Variants in RAF1 observed in about 807,000 individuals in gnomAD.
RAF1 encodes the protein RAF proto-oncogene serine/threonine-protein kinase.
RAF1 carries 27 observed loss-of-function variants against 81.1 expected under a neutral mutation model. The ratio of observed to expected loss-of-function variants is 0.33; its 90% CI spans 0.25 to 0.46. The LOEUF (loss-of-function observed/expected upper bound fraction) is 0.46, where lower values mean the gene tolerates loss of function less well. RAF1 is among the 20% of genes least tolerant of loss of function. RAF1 has a pLI of 1.00. For synonymous variants in RAF1, 298 were observed against 294.0 expected (o/e 1.01, Z -0.14); for missense variants, 598 against 826.0 (o/e 0.72, Z 3.38).
At chr3:12,646,301 G>T (rs2060345966) in intron 1 of RAF1, among the ~76,000 whole-genome samples, 1 of 152,096 alleles carries the variant, frequency 6.6e-6, no homozygotes, top group Admixed American at 6.6e-5. Flanking sequence ...CATTCATGCA[G>T]CTAACATTAT....
intron 11 of RAF1, among the ~76,000 whole-genome samples, chr3:12,596,903 CTT>C (rs145040302): frequency 6.8e-6 from 1 of 146,622 alleles, no homozygotes. Context: ...AACCTAGAAT[CTT>C]TTTTTTTTTT....
At position 12,663,980 on chromosome 3, in the gene RAF1, C is replaced by A. The variant is rs562730879; in HGVS notation, c.-194G>T. 3.8e-5 allele frequency: 15 copies of A among 398,582 alleles called. No homozygotes were observed. The highest frequency in any genetic ancestry group is 2.9e-4 in the African/African-American group (14 of 48,756). 24.7% of individuals were successfully genotyped at this position (398,582 alleles called of 1,614,324 possible). On this transcript the variant is annotated 5_prime_UTR_variant, in exon 1 of 18. Transcript: ENST00000442415. ...CGCATCGTAGCAAACGCGCTCCGCGCCTCAGGGCACGCGCCCCAAAGCCCG... is the reference window on the plus strand; with the variant it reads ...CGCATCGTAGCAAACGCGCTCCGCGACTCAGGGCACGCGCCCCAAAGCCCG...
In RAF1 at chr3:12,583,685, C is replaced by A. The variant is rs2058213465; in HGVS notation, c.*829G>T. 8.6e-6 allele frequency: 2 copies of A among 233,236 alleles called. No individual in the cohort carries two copies. The highest frequency in any genetic ancestry group is 1.7e-5 in the Non-Finnish European group (2 of 118,002). 14.4% of individuals were successfully genotyped at this position (233,236 alleles called of 1,614,324 possible). A position where few individuals can be genotyped will look rare whatever the true frequency, so the allele number is the denominator to read the frequency against. ...TGTATTTTGTCAGGTGCAATAAAAA[C>A]AAAATTAAAACCCAAATCATCAAGA... On this transcript the variant is annotated 3_prime_UTR_variant, in exon 18 of 18. Transcript: ENST00000442415.
chr3:12,616,616 T>C (rs1372067313), intron 2 of RAF1, among the ~76,000 whole-genome samples: 5 of 152,168 alleles, frequency 3.3e-5, no homozygotes, highest in Non-Finnish European at 7.3e-5. Flanking sequence ...AACACTACAC[T>C]TGGGAGGCTC....
At chr3:12,629,902 C>T (rs534175999) in intron 1 of RAF1, among the ~76,000 whole-genome samples, 1 of 152,178 alleles carries the variant, frequency 6.6e-6, no homozygotes, top group East Asian at 1.9e-4. Context: ...CCTGCCTCAG[C>T]TTCCTGATTA....
intron 1 of RAF1, among the ~76,000 whole-genome samples, chr3:12,631,834 T>C (rs535766731): frequency 3.9e-5 from 6 of 152,220 alleles, no homozygotes; most frequent in Non-Finnish European, 7.4e-5. Flanking sequence ...ATGTAGAAGT[T>C]TTCCTGCTAG....
intron 6 of RAF1, among the ~76,000 whole-genome samples, chr3:12,604,553 T>A (rs1035857705): frequency 6.6e-6 from 1 of 152,230 alleles, no homozygotes; most frequent in East Asian, 1.9e-4. Context: ...TTTCTTTTTT[T>A]AAATAAAGCA....
intron 2 of RAF1, among the ~76,000 whole-genome samples, chr3:12,616,977 C>G (rs1467726127): frequency 1.3e-5 from 2 of 152,138 alleles, no homozygotes; most frequent in East Asian, 3.9e-4. Context: ...CTCTGTCACC[C>G]AGGCTGGGGT....
chr3:12,618,853 G>C, intron 1 of RAF1, 106 bp from the exon 2 acceptor site: 2 of 849,156 alleles, frequency 2.4e-6, no homozygotes, highest in Non-Finnish European at 3.8e-6. Context: ...GGTTTTTAAT[G>C]ATACCTCCTG....
chr3:12,598,211 A>G (rs1424329570), intron 11 of RAF1, among the ~76,000 whole-genome samples: 2 of 151,750 alleles, frequency 1.3e-5, no homozygotes, highest in African/African-American at 2.4e-5. Context: ...GGGTTTCACG[A>G]TGTTGCCCAA....
intron 1 of RAF1, among the ~76,000 whole-genome samples, chr3:12,662,338 TAAAAAAAAAAAAAAAAAAAA>T (rs61275660): frequency 0.013 from 1,308 of 100,964 alleles, 23 homozygotes; most frequent in Non-Finnish European, 0.019. Context: ...CCTGTTCCTT[TAAAAAAAAAAAAAAAAAAAA>T]AAAAAAAAAA....
intron 1 of RAF1, among the ~76,000 whole-genome samples, chr3:12,645,995 A>G (rs138435127): frequency 3.3e-5 from 5 of 152,330 alleles, no homozygotes; most frequent in East Asian, 1.9e-4. Context: ...ATTTTTCTTC[A>G]TATTTAAGAG....
intron 1 of RAF1, among the ~76,000 whole-genome samples, chr3:12,635,438 A>G (rs935353911): frequency 2.8e-4 from 42 of 149,908 alleles, no homozygotes; most frequent in Non-Finnish European, 7.4e-5. Context: ...GGAGTTCGAG[A>G]CCAGCCTAGC....
chr3:12,658,236 A>C (rs976248174), intron 1 of RAF1, among the ~76,000 whole-genome samples: 1 of 152,238 alleles, frequency 6.6e-6, no homozygotes, highest in African/African-American at 2.4e-5. Context: ...ATCAAGTTTA[A>C]CATATAAATT....
intron 1 of RAF1, among the ~76,000 whole-genome samples, chr3:12,621,684 A>G (rs2059561271): frequency 2.6e-5 from 4 of 152,238 alleles, no homozygotes; most frequent in Admixed American, 2.6e-4. Flanking sequence ...TATTCCTTGC[A>G]GCACTATTCA....
chr3:12,583,704 A>C lies in RAF1; in HGVS notation c.*810T>G, dbSNP rs1000848564. 3 of 233,564 alleles carry C rather than the reference A, an allele frequency of 1.3e-5. No homozygotes were observed. In the East Asian group the frequency reaches 1.8e-4, roughly 14 times the overall value. 14.5% of individuals were successfully genotyped at this position (233,564 alleles called of 1,614,324 possible). A position where few individuals can be genotyped will look rare whatever the true frequency, so the allele number is the denominator to read the frequency against. Reference sequence around the variant, plus strand: ...TAAAAACAAAATTAAAACCCAAATCATCAAGAAAACCTGTATTCCTGGCTT... The same window carrying C: ...TAAAAACAAAATTAAAACCCAAATCCTCAAGAAAACCTGTATTCCTGGCTT... On this transcript the variant is annotated 3_prime_UTR_variant, in exon 18 of 18. Transcript: ENST00000442415.
At chr3:12,634,662 G>C (rs150508161) in intron 1 of RAF1, among the ~76,000 whole-genome samples, 1 of 152,056 alleles carries the variant, frequency 6.6e-6, no homozygotes, top group African/African-American at 2.4e-5. Context: ...CTACATAATG[G>C]CCTTTTTTTC....
intron 5 of RAF1, 90 bp downstream of exon 5, chr3:12,608,676 G>A: frequency 7.1e-7 from 1 of 1,399,294 alleles, no homozygotes. Flanking sequence ...CTAGAATCCA[G>A]ACCTGTCAGT....
chr3:12,596,601 T>C (rs2058694084), intron 11 of RAF1, among the ~76,000 whole-genome samples: 1 of 152,188 alleles, frequency 6.6e-6, no homozygotes, highest in African/African-American at 2.4e-5. Context: ...GGCTTCTGAG[T>C]TGCTTTGAGA....
Sources: allele counts gnomAD v4.1 joint callset (sites outside exome capture counted in the v4.1 genomes callset), GRCh38; gene constraint gnomAD v4.1.1; transcripts MANE v1.5; gene names NCBI Gene and HGNC (gene_info 2026-07-23, HGNC 2026-07-21).